Variants in PLPP7 observed in about 807,000 individuals in gnomAD.
PLPP7 encodes phospholipid phosphatase 7 (inactive).
Under a neutral mutation model 16.9 loss-of-function variants are expected in PLPP7, and 11 were observed. The ratio of observed to expected loss-of-function variants is 0.65; its 90% CI spans 0.41 to 1.08. The LOEUF (loss-of-function observed/expected upper bound fraction) is 1.08, where lower values mean the gene tolerates loss of function less well. Among genes scored for constraint, PLPP7 ranks in the 50% least tolerant of loss-of-function variants. The pLI is 0.00. For missense variants in PLPP7, 358 were observed against 397.1 expected (o/e 0.90, Z 0.84); for synonymous variants, 174 against 175.1 (o/e 0.99, Z 0.05).
intron 1 of PLPP7, among the ~76,000 whole-genome samples, chr9:131,298,562 G>A (rs1011052372): frequency 2.2e-4 from 33 of 151,962 alleles, no homozygotes; most frequent in Admixed American, 2.0e-3. Context: ...CACAGAGTGC[G>A]TCCTCAGGGG....
intron 1 of PLPP7, among the ~76,000 whole-genome samples, chr9:131,296,094 G>A (rs1053744786): frequency 5.3e-5 from 8 of 152,076 alleles, no homozygotes; most frequent in African/African-American, 9.7e-5. Context: ...TGCCCACAGC[G>A]GCTGCGTGAT....
Position 131,290,148 on chromosome 9 carries a change from C to T in PLPP7, c.151C>T (p.Pro51Ser). 2 of 1,576,256 alleles carry T rather than the reference C, an allele frequency of 1.3e-6. No homozygotes were observed. The highest frequency in any genetic ancestry group is 1.7e-6 in the Non-Finnish European group (2 of 1,157,304). The stretch of plus-strand genomic sequence containing the variant: ...CTCGGGCCCATCAGCACAGCCCCCA[C>T]CTGCTGGTGACGGGGCCAGAGAGCG... Reference protein sequence around the residue: ...KASGPSAQPPPAGDGARERRQ... With the variant: ...KASGPSAQPPSAGDGARERRQ... The change falls in exon 1 of 2, where the codon CCT becomes TCT. Residue 51 changes from proline to serine, a missense_variant. Transcript: ENST00000372264. The surrounding 1 kb of genome is among the most constrained non-coding windows in gnomAD (Gnocchi z 4.2).
At position 131,290,266 on chromosome 9, in the gene PLPP7, T is replaced by A; in HGVS notation, c.269T>A (p.Ile90Asn). ...TTCAACTCCCTGCTGGCCATCGATA[T>A]CTGTATGTCCAAGCGGCTGGGGGTG... is the stretch of plus-strand genomic sequence containing the variant. ...IAFNSLLAID[I>N]CMSKRLGVCA... The change falls in exon 1 of 2, where the codon ATC becomes AAC. Residue 90 changes from isoleucine (I) to asparagine (N), a missense_variant. Transcript: ENST00000372264. The surrounding 1 kb of genome is among the most constrained non-coding windows in gnomAD (Gnocchi z 4.2). The A allele has an allele frequency of 1.2e-6, 2 of 1,612,104 alleles. No homozygotes were observed. The highest frequency in any genetic ancestry group is 1.7e-6 in the Non-Finnish European group (2 of 1,179,008).
chr9:131,305,328 T>C (rs1027474297), intron 1 of PLPP7, among the ~76,000 whole-genome samples: 9 of 151,956 alleles, frequency 5.9e-5, no homozygotes, highest in Non-Finnish European at 5.9e-5. Context: ...GGTAGGAAGA[T>C]AGCTTGAAGC....
chr9:131,305,341 G>T (rs1835842416), intron 1 of PLPP7, among the ~76,000 whole-genome samples: 1 of 151,600 alleles, frequency 6.6e-6, no homozygotes, highest in Admixed American at 6.6e-5. Flanking sequence ...CTTGAAGCCA[G>T]GAGTTTGAGA....
At chr9:131,293,703 C>T (rs543691597) in intron 1 of PLPP7, among the ~76,000 whole-genome samples, 2 of 152,334 alleles carry the variant, frequency 1.3e-5, no homozygotes, top group South Asian at 2.1e-4. Flanking sequence ...ACTTGCTGTA[C>T]GCACATGCTC....
In PLPP7 at chr9:131,308,361, C is replaced by T. The variant is rs1023635027; in HGVS notation, c.*74C>T. On this transcript the variant is annotated 3_prime_UTR_variant, in exon 2 of 2. Transcript: ENST00000372264. The stretch of plus-strand genomic sequence containing the variant: ...GAAGGGGCAGGGGGTGGCGAGGTGG[C>T]GGGCGTGGGTGGAACAGAGCGGCCA... 6.4e-5 allele frequency: 95 copies of T among 1,481,446 alleles called. No homozygotes were observed. The highest frequency in any genetic ancestry group is 9.4e-5 in the South Asian group (7 of 74,444). 91.8% of individuals were successfully genotyped at this position (1,481,446 alleles called of 1,614,324 possible).
intron 1 of PLPP7, among the ~76,000 whole-genome samples, chr9:131,299,167 C>G (rs565603316): frequency 6.6e-6 from 1 of 151,934 alleles, no homozygotes; most frequent in Admixed American, 6.6e-5. Flanking sequence ...ACCTTGAAGC[C>G]GGTCTCTTTC....
Position 131,290,078 on chromosome 9 carries a change from GCCC to G in PLPP7, c.85_87del (p.Pro29del). 1 of 1,498,368 alleles carries G rather than the reference GCCC, an allele frequency of 6.7e-7. No individual in the cohort carries two copies. The highest frequency in any genetic ancestry group is 8.9e-7 in the Non-Finnish European group (1 of 1,126,270). 92.8% of individuals were successfully genotyped at this position (1,498,368 alleles called of 1,614,324 possible). A position where few individuals can be genotyped will look rare whatever the true frequency, so the allele number is the denominator to read the frequency against. On this transcript the variant is annotated inframe_deletion, in exon 1 of 2. Coordinates refer to ENST00000372264, the MANE Select transcript of PLPP7 (RefSeq NM_032728.4). This position sits in a 1 kb window ranked among gnomAD's most constrained non-coding sequence, Gnocchi z 4.2. ...GGGCTGAGTTCCTGTCCCTGAACCAGCCCCCCAAGGGGGGCCCGGAGCCCCGCA... is the reference window on the plus strand; with the variant it reads ...GGGCTGAGTTCCTGTCCCTGAACCAGCCCAAGGGGGGCCCGGAGCCCCGCA...
chr9:131,294,853 C>T (rs1481333670), intron 1 of PLPP7, among the ~76,000 whole-genome samples: 1 of 152,062 alleles, frequency 6.6e-6, no homozygotes, highest in Non-Finnish European at 1.5e-5. Context: ...ACCTCGGCCT[C>T]CCAAACTGCT....
At chr9:131,294,143 A>G (rs1366512720) in intron 1 of PLPP7, among the ~76,000 whole-genome samples, 7 of 152,148 alleles carry the variant, frequency 4.6e-5, no homozygotes. Flanking sequence ...TCAAGACTCT[A>G]GAAAGCTCAG....
intron 1 of PLPP7, among the ~76,000 whole-genome samples, chr9:131,307,672 G>C (rs544397404): frequency 5.4e-4 from 82 of 152,054 alleles, no homozygotes; most frequent in African/African-American, 1.8e-3. Context: ...AGCGTGGTGG[G>C]GGCTTTTTAC....
chr9:131,302,855 G>A (rs1835813206), intron 1 of PLPP7, among the ~76,000 whole-genome samples: 1 of 152,196 alleles, frequency 6.6e-6, no homozygotes, highest in African/African-American at 2.4e-5. Flanking sequence ...AAGCCCTGAA[G>A]TTCTAGTCCT....
chr9:131,294,651 T>TTTTGTTTGTTTG (rs201869319), intron 1 of PLPP7, among the ~76,000 whole-genome samples: 1 of 151,864 alleles, frequency 6.6e-6, no homozygotes, highest in Admixed American at 6.6e-5. Flanking sequence ...GAAAGTATCT[T>TTTTGTTTGTTTG]TTTGTTTGTT....
At position 131,308,204 on chromosome 9, in the gene PLPP7, G is replaced by T. The variant is rs2131222549; in HGVS notation, c.733G>T (p.Val245Phe). Reference protein sequence around the residue: ...HHVTDVLSGFVIGYLQFRLVE... With the variant: ...HHVTDVLSGFFIGYLQFRLVE... ...CGTCACGGACGTCCTCTCCGGCTTT[G>T]TCATCGGCTACCTCCAGTTCCGTCT... The change falls in exon 2 of 2, where the codon GTC (valine) becomes TTC (phenylalanine). Residue 245 changes from valine (V) to phenylalanine (F), a missense_variant. By Grantham distance (50) the Val-to-Phe change is conservative. Coordinates refer to ENST00000372264, the MANE Select transcript of PLPP7 (RefSeq NM_032728.4). The T allele has an allele frequency of 6.3e-7, 1 of 1,599,928 alleles. No homozygotes were observed. The highest frequency in any genetic ancestry group is 8.5e-7 in the Non-Finnish European group (1 of 1,179,830).
At chr9:131,303,828 G>C (rs928161299) in intron 1 of PLPP7, among the ~76,000 whole-genome samples, 1 of 152,182 alleles carries the variant, frequency 6.6e-6, no homozygotes, top group Non-Finnish European at 1.5e-5. Context: ...TCTCACAGGT[G>C]AGGAAAGTTA....
Position 131,289,918 on chromosome 9 carries a change from C to A in PLPP7, c.-80C>A. ...CAGGGAGGCAGCCACGGTGGCGGCT[C>A]TGGGGGCAGCTCTTGTCTTCGGGGA... On this transcript the variant is annotated 5_prime_UTR_variant, in exon 1 of 2. In the 5' UTR this introduces an upstream ATG that the reference lacks. Transcript: ENST00000372264. The A allele has an allele frequency of 8.1e-7, 1 of 1,237,424 alleles. No individual in the cohort carries two copies. The highest frequency in any genetic ancestry group is 1.0e-6 in the Non-Finnish European group (1 of 959,836). 76.7% of individuals were successfully genotyped at this position (1,237,424 alleles called of 1,614,324 possible). A position where few individuals can be genotyped will look rare whatever the true frequency, so the allele number is the denominator to read the frequency against.
chr9:131,305,888 C>G (rs1835846559), intron 1 of PLPP7, among the ~76,000 whole-genome samples: 1 of 152,052 alleles, frequency 6.6e-6, no homozygotes, highest in South Asian at 2.1e-4. Flanking sequence ...CTCAGCCTCC[C>G]AAAGTGCTGG....
intron 1 of PLPP7, among the ~76,000 whole-genome samples, chr9:131,300,415 C>T (rs904851982): frequency 1.3e-5 from 2 of 152,108 alleles, no homozygotes; most frequent in Non-Finnish European, 2.9e-5. Context: ...CCAGGCACAG[C>T]GGCTCACACC....
Sources: gnomAD v4.1 joint callset for allele counts (sites outside exome capture counted in the v4.1 genomes callset) on GRCh38, gnomAD v4.1.1 for gene constraint, Gnocchi (gnomAD v3.1) non-coding constraint, MANE v1.5 for transcripts, NCBI Gene and HGNC (gene_info 2026-07-23, HGNC 2026-07-21) for gene names.